The following KLRG1 variants were observed in gnomAD, a reference collection of about 807,000 sequenced individuals.
KLRG1 encodes the protein killer cell lectin like receptor G1.
Under a neutral mutation model 21.8 loss-of-function variants are expected in KLRG1, and 16 were observed. The observed-to-expected ratio is 0.73, with a 90% CI of 0.50 to 1.11. The LOEUF (loss-of-function observed/expected upper bound fraction) is 1.11. KLRG1 is among the 50% of genes most tolerant of loss of function. The pLI is 0.00. For synonymous variants in KLRG1, 69 were observed against 75.9 expected (o/e 0.91, Z 0.47); for missense variants, 173 against 218.3 (o/e 0.79, Z 1.31).
At chr12:9,037,945 A>G in the KLRG1 span, among the ~76,000 whole-genome samples, 1 of 152,206 alleles carries the variant, frequency 6.6e-6, no homozygotes, top group Non-Finnish European at 1.5e-5. Flanking sequence ...ATCAGAACAT[A>G]TCCCTGTAAT....
At chr12:9,106,735 TA>T in the KLRG1 span, 1 of 471,520 alleles carries the variant, frequency 2.1e-6, no homozygotes, top group Admixed American at 3.6e-5. Flanking sequence ...GAGGACACAA[TA>T]AATATTCTCT....
intron 3 of KLRG1, among the ~76,000 whole-genome samples, chr12:9,001,677 G>A (rs897852474): frequency 1.3e-5 from 2 of 152,112 alleles, no homozygotes; most frequent in African/African-American, 4.8e-5. Flanking sequence ...CCTAATAGAT[G>A]CTTTGCACAG....
intron 1 of KLRG1, among the ~76,000 whole-genome samples, chr12:8,968,369 T>G (rs1946513783): frequency 6.6e-6 from 1 of 151,946 alleles, no homozygotes; most frequent in Non-Finnish European, 1.5e-5. Context: ...TAAAATAGAG[T>G]GACAATTTTA....
chr12:9,047,293 T>C, the KLRG1 span, among the ~76,000 whole-genome samples: 1 of 152,206 alleles, frequency 6.6e-6, no homozygotes, highest in Non-Finnish European at 1.5e-5. Context: ...GAGTGAGGTA[T>C]TGGCTGTTCT....
the KLRG1 span, chr12:9,116,126 A>T: frequency 2.4e-6 from 1 of 416,678 alleles, no homozygotes; most frequent in Middle Eastern, 7.7e-4. Flanking sequence ...GTAAGAGCTC[A>T]CTTTTACCGT....
chr12:9,120,640 C>T, the KLRG1 span, among the ~76,000 whole-genome samples: 12 of 152,216 alleles, frequency 7.9e-5, no homozygotes, highest in African/African-American at 2.6e-4. Context: ...CTGACAGTGA[C>T]GATAATGACA....
chr12:9,093,666 A>G, the KLRG1 span: 3 of 745,204 alleles, frequency 4.0e-6, no homozygotes, highest in East Asian at 3.0e-5. Context: ...AAAAAAAAAA[A>G]CAAAAAACAA....
At chr12:9,029,787 C>T in the KLRG1 span, among the ~76,000 whole-genome samples, 73 of 152,148 alleles carry the variant, frequency 4.8e-4, 2 homozygotes, top group South Asian at 0.015. Context: ...GAGACAGTCT[C>T]ACTCTGTTGC....
the KLRG1 span, among the ~76,000 whole-genome samples, chr12:9,177,986 CTTG>C: frequency 6.6e-6 from 1 of 152,182 alleles, no homozygotes; most frequent in East Asian, 1.9e-4. Context: ...GGGTTAACTT[CTTG>C]TTGTTTCTTC....
chr12:9,200,949 C>T, the KLRG1 span: 38 of 1,614,064 alleles, frequency 2.4e-5, no homozygotes, highest in Admixed American at 1.2e-4. Flanking sequence ...GTCTGTACCA[C>T]CACCCTGTAG....
chr12:9,177,758 C>T, the KLRG1 span, among the ~76,000 whole-genome samples: 35 of 152,330 alleles, frequency 2.3e-4, no homozygotes, highest in African/African-American at 8.4e-4. Flanking sequence ...TTTCTTCTCA[C>T]TTCCACAACA....
the KLRG1 span, among the ~76,000 whole-genome samples, chr12:9,050,170 G>A: frequency 6.6e-6 from 1 of 152,214 alleles, no homozygotes; most frequent in African/African-American, 2.4e-5. Flanking sequence ...TTGGTGCAAA[G>A]CATTTTGGCT....
intron 2 of KLRG1, among the ~76,000 whole-genome samples, chr12:8,994,176 T>C (rs1947061444): frequency 6.6e-6 from 1 of 152,190 alleles, no homozygotes; most frequent in Non-Finnish European, 1.5e-5. Context: ...GTGATTCTCA[T>C]GCCTCAGCTC....
chr12:9,098,877 G>A, the KLRG1 span: 19 of 1,101,188 alleles, frequency 1.7e-5, no homozygotes, highest in Non-Finnish European at 2.1e-5. Context: ...TTCGTGGAGG[G>A]TTGGCATTGT....
the KLRG1 span, chr12:9,153,335 C>T: frequency 1.9e-6 from 3 of 1,613,718 alleles, 1 homozygote; most frequent in East Asian, 6.7e-5. Context: ...GGAGAGCCAC[C>T]ACTGTGTCCT....
chr12:9,179,489 T>G, the KLRG1 span, among the ~76,000 whole-genome samples: 1 of 152,214 alleles, frequency 6.6e-6, no homozygotes, highest in Non-Finnish European at 1.5e-5. Flanking sequence ...ATAATTAAAA[T>G]TTTAGTCTGT....
At chr12:8,959,675 G>T (rs2137211188) in intron 1 of KLRG1, among the ~76,000 whole-genome samples, 1 of 152,206 alleles carries the variant, frequency 6.6e-6, no homozygotes, top group Non-Finnish European at 1.5e-5. Flanking sequence ...ATGACAAATA[G>T]GGTACAACTC....
chr12:9,066,217 C>A, the KLRG1 span: 1 of 152,336 alleles, frequency 6.6e-6, no homozygotes, highest in Admixed American at 6.5e-5. Flanking sequence ...TGCAACATGC[C>A]CCTTGCTCCC....
At chr12:9,197,045 G>A in the KLRG1 span, 1 of 1,613,366 alleles carries the variant, frequency 6.2e-7, no homozygotes, top group Non-Finnish European at 8.5e-7. Flanking sequence ...CCTCCTGCTT[G>A]TCACAATTAA....
Sources: gnomAD v4.1 joint callset for allele counts (sites outside exome capture counted in the v4.1 genomes callset) on GRCh38, gnomAD v4.1.1 for gene constraint, MANE v1.5 for transcripts, NCBI Gene and HGNC (gene_info 2026-07-23, HGNC 2026-07-21) for gene names.